MELK: variants seen among roughly 807,000 people sequenced by gnomAD.
The protein encoded by MELK is maternal embryonic leucine zipper kinase.
Under a neutral mutation model 85.0 loss-of-function variants are expected in MELK, and 81 were observed. The observed-to-expected ratio is 0.95, with a 90% CI of 0.80 to 1.15. MELK has a LOEUF of 1.15. MELK is among the 50% of genes most tolerant of loss of function. The pLI, the probability that MELK is intolerant of heterozygous loss-of-function variation, is 0.00. For synonymous variants in MELK, 252 were observed against 265.0 expected, an observed-to-expected ratio of 0.95 and a Z score of 0.48; for missense variants, 754 against 777.5, an observed-to-expected ratio of 0.97 and a Z score of 0.36.
At chr9:36,593,123 C>T (rs1005660165) in intron 4 of MELK, among the ~76,000 whole-genome samples, 4 of 148,696 alleles carry the variant, frequency 2.7e-5, no homozygotes, top group African/African-American at 9.9e-5. Context: ...AATCTATAGT[C>T]TTAATAACTT....
intron 14 of MELK, among the ~76,000 whole-genome samples, chr9:36,666,916 TGTGTGG>T (rs1832431113): frequency 6.9e-6 from 1 of 145,664 alleles, no homozygotes; most frequent in South Asian, 2.2e-4. Flanking sequence ...TGATGGTGTG[TGTGTGG>T]GGGGGTGCGG....
chr9:36,636,790 G>GTCTGTCTGTCTGTCTGTCTT (rs1475022442), intron 10 of MELK, among the ~76,000 whole-genome samples: 10 of 67,618 alleles, frequency 1.5e-4, no homozygotes, highest in Non-Finnish European at 1.5e-4. Flanking sequence ...CTTTCTGTCT[G>GTCTGTCTGTCTGTCTGTCTT]TCTTTCTTTC....
At chr9:36,590,618 T>C (rs898240290) in intron 4 of MELK, among the ~76,000 whole-genome samples, 7 of 152,188 alleles carry the variant, frequency 4.6e-5, no homozygotes, top group African/African-American at 1.7e-4. Flanking sequence ...CCAGTGTCTT[T>C]TATGTAAACC....
intron 10 of MELK, among the ~76,000 whole-genome samples, chr9:36,641,979 G>T (rs553607006): frequency 6.6e-6 from 1 of 152,156 alleles, no homozygotes; most frequent in African/African-American, 2.4e-5. Flanking sequence ...AATCTTCTGA[G>T]CTCCCTTCCA....
intron 11 of MELK, among the ~76,000 whole-genome samples, chr9:36,647,708 C>A (rs777076858): frequency 6.6e-6 from 1 of 151,966 alleles, no homozygotes; most frequent in East Asian, 1.9e-4. Context: ...GGGCTGGTCT[C>A]GATCTCCTAA....
intron 1 of MELK, 130 bp from the exon 2 acceptor site, chr9:36,581,514 C>T: frequency 1.9e-6 from 1 of 517,838 alleles, no homozygotes; most frequent in Non-Finnish European, 3.4e-6. Flanking sequence ...TCCTTTTTTT[C>T]ATATGGCCAA....
intron 1 of MELK, among the ~76,000 whole-genome samples, chr9:36,580,729 ATTT>A (rs113212041): frequency 2.1e-5 from 3 of 140,022 alleles, no homozygotes; most frequent in Non-Finnish European, 3.1e-5. Flanking sequence ...TCTTTGAGAA[ATTT>A]TTTTTTTTTT....
intron 8 of MELK, among the ~76,000 whole-genome samples, chr9:36,618,685 C>T (rs1354119576): frequency 1.3e-5 from 2 of 152,094 alleles, no homozygotes; most frequent in Admixed American, 6.6e-5. Flanking sequence ...TTTTGAGCCA[C>T]TTGTCTATTC....
rs1823302721 is a variant in MELK at position 36,589,451 on chromosome 9, A to G, written c.145-85A>G. ...TGTGAGCCACCGTGCCCGGCCAGCT[A>G]CTTAGTATTAAAGCTGTTAGTATTG... On this transcript the variant is annotated intron_variant, in intron 3 of 17. Transcript: ENST00000298048. 8 of 1,096,312 alleles carry G rather than the reference A, an allele frequency of 7.3e-6. No individual in the cohort carries two copies. In the Admixed American group the frequency reaches 1.4e-4, roughly 20 times the overall value. 67.9% of individuals were successfully genotyped at this position (1,096,312 alleles called of 1,614,324 possible). A position where few individuals can be genotyped will look rare whatever the true frequency, so the allele number is the denominator to read the frequency against.
intron 5 of MELK, among the ~76,000 whole-genome samples, chr9:36,596,572 GTTTTTTTTGTTT>G (rs1824286448): frequency 1.0e-5 from 1 of 96,076 alleles, no homozygotes; most frequent in South Asian, 3.3e-4. Flanking sequence ...TGTTTTTTTT[GTTTTTTTTGTTT>G]TTTTTGTTTT....
intron 4 of MELK, among the ~76,000 whole-genome samples, chr9:36,589,898 C>A (rs1413653968): frequency 1.3e-5 from 2 of 150,094 alleles, no homozygotes; most frequent in Non-Finnish European, 3.0e-5. Flanking sequence ...GAATTTTCTC[C>A]TAGAGGGAAG....
chr9:36,585,473 A>C (rs893322738), intron 3 of MELK, among the ~76,000 whole-genome samples: 1 of 151,582 alleles, frequency 6.6e-6, no homozygotes, highest in Admixed American at 6.6e-5. Flanking sequence ...TGTCCAGCTA[A>C]TTTTTGTATT....
At chr9:36,596,096 G>A (rs141277433) in intron 5 of MELK, among the ~76,000 whole-genome samples, 1 of 152,260 alleles carries the variant, frequency 6.6e-6, no homozygotes, top group African/African-American at 2.4e-5. Context: ...GATTACAGGC[G>A]TGAGCCAGGG....
chr9:36,632,693 T>C (rs1364884036), intron 9 of MELK, among the ~76,000 whole-genome samples: 4 of 152,238 alleles, frequency 2.6e-5, no homozygotes, highest in Non-Finnish European at 5.9e-5. Flanking sequence ...TTTCAACTTG[T>C]TCTGTGTGAT....
intron 9 of MELK, among the ~76,000 whole-genome samples, chr9:36,631,504 G>A (rs1335935959): frequency 1.3e-5 from 2 of 151,884 alleles, no homozygotes; most frequent in African/African-American, 2.4e-5. Context: ...GACCTCAGGT[G>A]ATCCACCCGC....
intron 1 of MELK, chr9:36,573,338 A>G (rs985113312): frequency 4.6e-5 from 7 of 152,190 alleles, no homozygotes; most frequent in Non-Finnish European, 8.8e-5. Context: ...CCCCGCGAAA[A>G]AAGTTGACAG....
At chr9:36,645,049 A>G (rs188563852) in intron 11 of MELK, among the ~76,000 whole-genome samples, 1 of 151,934 alleles carries the variant, frequency 6.6e-6, no homozygotes, top group East Asian at 1.9e-4. Context: ...CGGGCGGATC[A>G]TGAGGTCAGG....
intron 1 of MELK, among the ~76,000 whole-genome samples, chr9:36,574,584 C>T (rs113124598): frequency 0.029 from 4,443 of 151,750 alleles, 217 homozygotes; most frequent in African/African-American, 0.1. Flanking sequence ...GCCTAGGTGA[C>T]AGAACGAGAC....
chr9:36,668,627 C>T (rs1832607609), intron 14 of MELK, among the ~76,000 whole-genome samples: 1 of 152,010 alleles, frequency 6.6e-6, no homozygotes, highest in South Asian at 2.1e-4. Flanking sequence ...ATTCTTCTGC[C>T]TCAGCCTCCC....
Sources: allele counts gnomAD v4.1 joint callset (sites outside exome capture counted in the v4.1 genomes callset), GRCh38; gene constraint gnomAD v4.1.1; transcripts MANE v1.5; gene names NCBI Gene and HGNC (gene_info 2026-07-23, HGNC 2026-07-21).